The following FBXO30 variants were observed in gnomAD, a reference collection of about 807,000 sequenced individuals.
FBXO30 encodes the protein F-box protein 30.
A neutral mutation model predicts 58.1 loss-of-function variants in FBXO30; 21 were observed. That is an observed-to-expected ratio of 0.36 (90% confidence interval 0.26 to 0.52). The LOEUF (loss-of-function observed/expected upper bound fraction) is 0.52, where lower values mean the gene tolerates loss of function less well. FBXO30 is among the 20% of genes least tolerant of loss of function. The pLI, the probability that FBXO30 is intolerant of heterozygous loss-of-function variation, is 0.93. For missense variants in FBXO30, 744 were observed against 897.3 expected, an observed-to-expected ratio of 0.83 and a Z score of 2.18; for synonymous variants, 309 against 312.4, an observed-to-expected ratio of 0.99 and a Z score of 0.11.
intron 2 of FBXO30, among the ~76,000 whole-genome samples, chr6:145,801,377 C>T (rs529525562): frequency 7.2e-5 from 11 of 151,880 alleles, no homozygotes; most frequent in African/African-American, 2.2e-4. Flanking sequence ...TTTCTTAAAA[C>T]GTTATGAGAT....
chr6:145,802,098 C>T (rs1327255147), intron 2 of FBXO30, among the ~76,000 whole-genome samples: 1 of 152,076 alleles, frequency 6.6e-6, no homozygotes, highest in East Asian at 1.9e-4. Context: ...AAGGAATTTA[C>T]AGTCTAGTGA....
rs1777943243 is a variant in FBXO30 at position 145,799,872 on chromosome 6, A to G, written c.*234T>C. On this transcript the variant is annotated 3_prime_UTR_variant, in exon 3 of 3. Transcript: ENST00000237281. ...TACTAATTCTTAAAATTATGTAGCTAAAAATTAAATCACCCTGTCCAGCAA... is the reference window on the plus strand; with the variant it reads ...TACTAATTCTTAAAATTATGTAGCTGAAAATTAAATCACCCTGTCCAGCAA... 1.3e-5 allele frequency: 4 copies of G among 296,756 alleles called. No individual in the cohort carries two copies. In the Admixed American group the frequency reaches 1.5e-4, roughly 11 times the overall value. 18.4% of individuals were successfully genotyped at this position (296,756 alleles called of 1,614,324 possible). A position where few individuals can be genotyped will look rare whatever the true frequency, so the allele number is the denominator to read the frequency against.
chr6:145,796,910 T>C lies in FBXO30; in HGVS notation c.*3196A>G, dbSNP rs918861691. On this transcript the variant is annotated 3_prime_UTR_variant, in exon 3 of 3. Coordinates refer to ENST00000237281, the MANE Select transcript of FBXO30 (RefSeq NM_032145.5). ...AGGACAGATATTAATAGCAACAACA[T>C]TGATGAGATAGGCAGCACAGAGTCA... 5 of 151,860 alleles carry C rather than the reference T, an allele frequency of 3.3e-5. No individual in the cohort carries two copies. The highest frequency in any genetic ancestry group is 9.7e-5 in the African/African-American group (4 of 41,374). The allele number at this position is 151,860 out of a possible 1,614,324, so 9.4% of individuals were successfully genotyped here.
intron 1 of FBXO30, among the ~76,000 whole-genome samples, chr6:145,808,071 G>A (rs1184235489): frequency 1.3e-5 from 2 of 152,098 alleles, no homozygotes; most frequent in Non-Finnish European, 2.9e-5. Flanking sequence ...GATTGAGGCT[G>A]CAGTAAGCCA....
rs771811128 is a variant in FBXO30 at position 145,805,344 on chromosome 6, G to A, written c.1062C>T (p.Ile354=). Residue 354 remains isoleucine, a synonymous_variant, in exon 2 of 3, where the codon ATC becomes ATT. Transcript: ENST00000237281. ...CTTCACCTTCATCATCTGGCATGAG[G>A]ATATGCTGAACTGTGCCATTAGGCA... ...SALPNGTVQH[I]LMPDDEGEGE... 4.3e-6 allele frequency: 7 copies of A among 1,614,046 alleles called. No individual in the cohort carries two copies. Among genetic ancestry groups the A allele is most frequent in the Non-Finnish European group, 3.4e-6 (4 of 1,179,978 alleles).
intron 1 of FBXO30, 69 bp from the exon 2 acceptor site, chr6:145,806,490 A>C (rs1021477900): frequency 1.7e-6 from 2 of 1,147,804 alleles, no homozygotes; most frequent in African/African-American, 3.1e-5. Flanking sequence ...ATTGTTTAAT[A>C]ATTAAATCAC....
At chr6:145,807,359 C>T (rs959336821) in intron 1 of FBXO30, among the ~76,000 whole-genome samples, 3 of 152,076 alleles carry the variant, frequency 2.0e-5, no homozygotes, top group Non-Finnish European at 4.4e-5. Context: ...AAGTATGGGA[C>T]GGTAAACTGG....
chr6:145,808,362 AC>A (rs1778241593), intron 1 of FBXO30, among the ~76,000 whole-genome samples: 1 of 151,882 alleles, frequency 6.6e-6, no homozygotes, highest in South Asian at 2.1e-4. Flanking sequence ...ATTTTTCTAG[AC>A]CCCATCTTCC....
In FBXO30 at chr6:145,804,424, C is replaced by T; in HGVS notation, c.1982G>A (p.Trp661Ter). ...TCCTTCTGGATACTTCCTTTTCCCC[C>T]ACTGCAGTATGACCATGCCACGAGA... ...LQSRGMVILQ[W>*]GKRKYPEGNS... The change falls in exon 2 of 3, where the codon TGG becomes TAG. Residue 661 changes from tryptophan (W) to a stop codon, truncating the protein, a stop_gained. Coordinates refer to ENST00000237281, the MANE Select transcript of FBXO30 (RefSeq NM_032145.5). LOFTEE classifies it high-confidence loss of function. 1.2e-6 allele frequency: 2 copies of T among 1,613,540 alleles called. No individual in the cohort carries two copies. The highest frequency in any genetic ancestry group is 1.7e-6 in the Non-Finnish European group (2 of 1,179,678).
chr6:145,804,905 G>A lies in FBXO30; in HGVS notation c.1501C>T (p.Leu501=), dbSNP rs765070363. 2 of 1,613,860 alleles carry A rather than the reference G, an allele frequency of 1.2e-6. No homozygotes were observed. The highest frequency in any genetic ancestry group is 1.1e-5 in the South Asian group (1 of 91,082). ...SNPSPFQTLG[L]DLVLECVARY... ...GCGACACATTCCAATACTAAATCCAGCCCAAGTGTCTGAAACGGACTTGGA... is the reference window on the plus strand; with the variant it reads ...GCGACACATTCCAATACTAAATCCAACCCAAGTGTCTGAAACGGACTTGGA... Residue 501 remains leucine (L), a synonymous_variant, in exon 2 of 3, where the codon CTG becomes TTG. Coordinates refer to ENST00000237281, the MANE Select transcript of FBXO30 (RefSeq NM_032145.5).
At chr6:145,808,171 T>A (rs1403593717) in intron 1 of FBXO30, among the ~76,000 whole-genome samples, 4 of 147,588 alleles carry the variant, frequency 2.7e-5, no homozygotes, top group South Asian at 2.2e-4. Flanking sequence ...TAACATAATA[T>A]CCCCCCTTTA....
intron 1 of FBXO30, among the ~76,000 whole-genome samples, chr6:145,809,020 A>G (rs1583200275): frequency 1.5e-5 from 2 of 130,388 alleles, no homozygotes; most frequent in East Asian, 2.1e-4. Context: ...ATGGTGTTCA[A>G]TGATGTCAAA....
In FBXO30 at chr6:145,799,836, A is replaced by G. The variant is rs1777942491; in HGVS notation, c.*270T>C. The G allele has an allele frequency of 4.8e-6, 1 of 210,382 alleles. No homozygotes were observed. Among genetic ancestry groups the G allele is most frequent in the Non-Finnish European group, 9.4e-6 (1 of 105,892 alleles). 13.0% of individuals were successfully genotyped at this position (210,382 alleles called of 1,614,324 possible). On this transcript the variant is annotated 3_prime_UTR_variant, in exon 3 of 3. Coordinates refer to ENST00000237281, the MANE Select transcript of FBXO30 (RefSeq NM_032145.5). ...AAAATTTAAGAACCAAAATATGCAC[A>G]CCACTGAAAATACTAATTCTTAAAA...
chr6:145,814,569 C>T (rs1374195762), intron 1 of FBXO30, 34 bp downstream of exon 1: 2 of 151,734 alleles, frequency 1.3e-5, no homozygotes, highest in East Asian at 3.9e-4. Context: ...GCGCGGACGG[C>T]GCCGGCCTCC....
chr6:145,806,742 A>G (rs180799495), intron 1 of FBXO30, among the ~76,000 whole-genome samples: 161 of 152,334 alleles, frequency 1.1e-3, no homozygotes, highest in African/African-American at 3.5e-3. Flanking sequence ...ATTTAATGTT[A>G]AAAACAAGTT....
chr6:145,813,834 G>A (rs1401404893), intron 1 of FBXO30, among the ~76,000 whole-genome samples: 1 of 152,068 alleles, frequency 6.6e-6, no homozygotes, highest in Non-Finnish European at 1.5e-5. Flanking sequence ...GGCTCAATAA[G>A]AAAAACAAGA....
chr6:145,808,087 G>A (rs897789146), intron 1 of FBXO30, among the ~76,000 whole-genome samples: 1 of 152,056 alleles, frequency 6.6e-6, no homozygotes, highest in African/African-American at 2.4e-5. Flanking sequence ...AGCCATGACT[G>A]TGCACCCCTG....
chr6:145,813,070 CAGTA>C lies in FBXO30; in HGVS notation c.-17+1529_-17+1532del, dbSNP rs200342873. 1.0e-2 allele frequency among the ~76,000 whole-genome samples: 1,518 copies of C among 152,222 alleles called. 11 individuals carry two copies. The highest frequency in any genetic ancestry group is 0.017 in the Admixed American group (262 of 15,282). On this transcript the variant is annotated intron_variant, in intron 1 of 2. Coordinates refer to ENST00000237281, the MANE Select transcript of FBXO30 (RefSeq NM_032145.5). The stretch of plus-strand genomic sequence containing the variant: ...CATCTTAGAAACATGTTATATCAAA[CAGTA>C]AGCATTAACCAATGCCTATTTTGGT...
intron 2 of FBXO30, among the ~76,000 whole-genome samples, chr6:145,800,864 C>T (rs1777974999): frequency 1.3e-5 from 2 of 152,082 alleles, no homozygotes; most frequent in Admixed American, 6.6e-5. Flanking sequence ...TATTCAAGTA[C>T]TTCAATTTGT....
Sources: gnomAD v4.1 joint callset for allele counts (sites outside exome capture counted in the v4.1 genomes callset) on GRCh38, gnomAD v4.1.1 for gene constraint, MANE v1.5 for transcripts, NCBI Gene and HGNC (gene_info 2026-07-23, HGNC 2026-07-21) for gene names.